MXI1: variants seen among roughly 807,000 people sequenced by gnomAD.
MXI1 encodes the protein MAX interactor 1, dimerization protein.
A neutral mutation model predicts 36.9 loss-of-function variants in MXI1; 18 were observed. The ratio of observed to expected loss-of-function variants is 0.49; its 90% CI spans 0.34 to 0.72. The LOEUF (loss-of-function observed/expected upper bound fraction) is 0.72. Ranked by LOEUF, MXI1 falls within the 30% of genes least tolerant of loss-of-function variation. The probability of loss-of-function intolerance (pLI) is 0.01; values close to 1 mark genes in which losing one functional copy is unlikely to be tolerated. For synonymous variants in MXI1, 160 were observed against 146.7 expected (o/e 1.09, Z -0.65); for missense variants, 304 against 379.1 (o/e 0.80, Z 1.64).
Position 110,216,665 on chromosome 10 carries a change from G to GTTTTTTTTT in MXI1, c.274+8595_274+8603dup, listed in dbSNP as rs10656872. On this transcript the variant is annotated intron_variant, in intron 1 of 5. Transcript: ENST00000332674. ...CCTGTCTCCCCTATCTGTGTTTAATGTTTTTTTTTTTTTTTTTTTTGGAGA... is the reference window on the plus strand; with the variant it reads ...CCTGTCTCCCCTATCTGTGTTTAATGTTTTTTTTTTTTTTTTTTTTTTTTTTTTTGGAGA... Among the ~76,000 whole-genome samples, 311 of 79,040 alleles carry GTTTTTTTTT rather than the reference G, an allele frequency of 3.9e-3. 59 individuals carry two copies. Among genetic ancestry groups the GTTTTTTTTT allele is most frequent in the African/African-American group, 0.019 (234 of 12,580 alleles). 51.9% of individuals were successfully genotyped at this position (79,040 alleles called of 152,430 possible).
At chr10:110,279,852 G>A (rs1273583811) in intron 4 of MXI1, 62 bp from the exon 5 acceptor site, 2 of 1,245,848 alleles carry the variant, frequency 1.6e-6, no homozygotes, top group Admixed American at 2.8e-5. Context: ...GCTAAAGGAG[G>A]AATCAGTTTT....
At chr10:110,247,725 G>C (rs1335434422) in intron 3 of MXI1, among the ~76,000 whole-genome samples, 2 of 152,266 alleles carry the variant, frequency 1.3e-5, no homozygotes, top group East Asian at 3.9e-4. Context: ...GGAGAAATAG[G>C]AACCCTTTTA....
intron 1 of MXI1, among the ~76,000 whole-genome samples, chr10:110,223,526 C>T (rs1200262477): frequency 3.3e-5 from 5 of 151,934 alleles, no homozygotes; most frequent in East Asian, 1.9e-4. Flanking sequence ...GAGCCGAGAT[C>T]GCGCCACTGC....
At chr10:110,283,932 C>G (rs1206205306) in intron 5 of MXI1, among the ~76,000 whole-genome samples, 1 of 151,088 alleles carries the variant, frequency 6.6e-6, no homozygotes, top group African/African-American at 2.4e-5. Flanking sequence ...ACTGGATCAC[C>G]CACTATACCC....
rs1310002307 is a variant in MXI1 at position 110,215,031 on chromosome 10, G to GTTTTTTTTTTTTTTTTT, written c.274+6960_274+6961insTTTTTTTTTTTTTTTTT. ...CCATTTTTCTTTCTGCTCCACTTCA[G>GTTTTTTTTTTTTTTTTT]TTTTTTTTTTTGTTTTTTTTTTTTT... On this transcript the variant is annotated intron_variant, in intron 1 of 5. Transcript: ENST00000332674. Among the ~76,000 whole-genome samples the GTTTTTTTTTTTTTTTTT allele has an allele frequency of 3.5e-4, 34 of 98,130 alleles. 3 individuals are homozygous for GTTTTTTTTTTTTTTTTT. Among genetic ancestry groups the GTTTTTTTTTTTTTTTTT allele is most frequent in the East Asian group, 2.0e-3 (6 of 2,932 alleles). 64.4% of individuals were successfully genotyped at this position (98,130 alleles called of 152,430 possible).
chr10:110,269,620 C>G (rs551772000), intron 3 of MXI1, among the ~76,000 whole-genome samples: 9 of 152,152 alleles, frequency 5.9e-5, no homozygotes, highest in Non-Finnish European at 7.3e-5. Flanking sequence ...TTAATTCTTG[C>G]ATTTTGTACA....
At chr10:110,248,437 T>G (rs1459226162) in intron 3 of MXI1, among the ~76,000 whole-genome samples, 1 of 152,210 alleles carries the variant, frequency 6.6e-6, no homozygotes, top group Non-Finnish European at 1.5e-5. Flanking sequence ...ACAGAAGATG[T>G]GTGCATCACC....
At chr10:110,231,352 G>A (rs186736314) in intron 2 of MXI1, among the ~76,000 whole-genome samples, 105 of 147,650 alleles carry the variant, frequency 7.1e-4, no homozygotes, top group Non-Finnish European at 1.1e-3. Context: ...GGGCAACAGA[G>A]TGATAATCCA....
In MXI1 at chr10:110,238,706, G is replaced by A. The variant is rs191964495; in HGVS notation, c.408-6122G>A. Among the ~76,000 whole-genome samples the A allele has an allele frequency of 6.8e-3, 1,033 of 151,988 alleles. 6 individuals are homozygous for A. Among genetic ancestry groups the A allele is most frequent in the South Asian group, 0.02 (94 of 4,818 alleles). ...GGCCTGGAGTTTTCTTTGTGGGAAGGTTTTTTTAAAAATTATTATTTTAAT... is the reference window on the plus strand; with the variant it reads ...GGCCTGGAGTTTTCTTTGTGGGAAGATTTTTTTAAAAATTATTATTTTAAT... On this transcript the variant is annotated intron_variant, in intron 2 of 5. Transcript: ENST00000332674.
Position 110,279,972 on chromosome 10 carries a change from A to G in MXI1, c.611A>G (p.Gln204Arg), listed in dbSNP as rs1224143456. The G allele has an allele frequency of 6.2e-7, 1 of 1,613,326 alleles. No homozygotes were observed. The highest frequency in any genetic ancestry group is 1.1e-5 in the South Asian group (1 of 90,986). Residue 204 changes from glutamine (Q) to arginine (R), a missense_variant, in exon 5 of 6, where the codon CAG becomes CGG. Physicochemically the swap from Gln to Arg is conservative, Grantham distance 43. Coordinates refer to ENST00000332674, the MANE Select transcript of MXI1 (RefSeq NM_130439.3). Reference sequence around the variant, plus strand: ...CAGCTCGAGAATTTGGAACGAGAACAGAGATTTTTAAAGTGGCGACTGGAA... The same window carrying G: ...CAGCTCGAGAATTTGGAACGAGAACGGAGATTTTTAAAGTGGCGACTGGAA... Reference protein sequence around the residue: ...QHQLENLEREQRFLKWRLEQL... With the variant: ...QHQLENLERERRFLKWRLEQL...
chr10:110,255,441 G>A (rs905233096), intron 3 of MXI1, among the ~76,000 whole-genome samples: 2 of 152,142 alleles, frequency 1.3e-5, no homozygotes, highest in Non-Finnish European at 2.9e-5. Context: ...ATTGGACCAA[G>A]GTGTGATTTC....
intron 1 of MXI1, chr10:110,226,034 G>A (rs1725182756): frequency 3.1e-6 from 3 of 980,066 alleles, no homozygotes; most frequent in Non-Finnish European, 3.6e-6. Flanking sequence ...CACGGCGGGC[G>A]CGGCTGGCGC....
intron 3 of MXI1, among the ~76,000 whole-genome samples, chr10:110,259,269 A>G (rs1856422972): frequency 6.6e-6 from 1 of 152,090 alleles, no homozygotes; most frequent in African/African-American, 2.4e-5. Context: ...TTTAATTAAT[A>G]GATTTTCTTG....
At chr10:110,261,199 T>A in intron 3 of MXI1, 1 of 892,356 alleles carries the variant, frequency 1.1e-6, no homozygotes, top group East Asian at 1.2e-4. Context: ...AAGTAGCTTT[T>A]AAATAATGTC....
chr10:110,268,449 CA>C (rs918184854), intron 3 of MXI1, among the ~76,000 whole-genome samples: 2 of 152,126 alleles, frequency 1.3e-5, no homozygotes, highest in Non-Finnish European at 2.9e-5. Context: ...TGTAATGTTG[CA>C]ACCCAGATAT....
At chr10:110,233,481 C>G (rs777255465) in intron 2 of MXI1, among the ~76,000 whole-genome samples, 2 of 151,968 alleles carry the variant, frequency 1.3e-5, no homozygotes, top group South Asian at 2.1e-4. Flanking sequence ...TTGAATGAAG[C>G]CTTATTTTTA....
At chr10:110,248,939 A>C (rs541991874) in intron 3 of MXI1, among the ~76,000 whole-genome samples, 1 of 152,268 alleles carries the variant, frequency 6.6e-6, no homozygotes, top group East Asian at 1.9e-4. Flanking sequence ...CAAAAAACAA[A>C]AATACTGGTA....
chr10:110,261,567 G>T (rs1171673710), intron 3 of MXI1, among the ~76,000 whole-genome samples: 1 of 151,778 alleles, frequency 6.6e-6, no homozygotes, highest in Non-Finnish European at 1.5e-5. Flanking sequence ...TGATCTTTAA[G>T]ATTTCTTCTA....
chr10:110,272,220 A>G (rs1185811495), intron 3 of MXI1, among the ~76,000 whole-genome samples: 5 of 152,232 alleles, frequency 3.3e-5, no homozygotes, highest in African/African-American at 9.6e-5. Flanking sequence ...TCATTGGAGC[A>G]TATCAGACTT....
Sources: gnomAD v4.1 joint callset for allele counts (sites outside exome capture counted in the v4.1 genomes callset) on GRCh38, gnomAD v4.1.1 for gene constraint, MANE v1.5 for transcripts, NCBI Gene and HGNC (gene_info 2026-07-23, HGNC 2026-07-21) for gene names.